The following ZSWIM6 variants were observed in gnomAD, a reference collection of about 807,000 sequenced individuals.
ZSWIM6 encodes zinc finger SWIM-type containing 6.
ZSWIM6 carries 9 observed loss-of-function variants against 113.2 expected under a neutral mutation model. The observed-to-expected ratio is 0.08, with a 90% CI of 0.05 to 0.14. ZSWIM6 has a LOEUF of 0.14. Among genes scored for constraint, ZSWIM6 ranks in the 10% least tolerant of loss-of-function variants. The pLI is 1.00. For synonymous variants in ZSWIM6, 611 were observed against 606.5 expected (o/e 1.01, Z -0.11); for missense variants, 1,162 against 1,552.2 (o/e 0.75, Z 4.22).
At chr5:61,504,168 C>T (rs773380833) in intron 4 of ZSWIM6, among the ~76,000 whole-genome samples, 3 of 152,128 alleles carry the variant, frequency 2.0e-5, no homozygotes. Flanking sequence ...TTTACTGAGT[C>T]CTCCATTTTC....
In ZSWIM6 at chr5:61,494,417, A is replaced by C; in HGVS notation, c.1333+7A>C. ...CAGCTCTGGGATGAGCTGGGTAAGC[A>C]TGTTTCCTCACAAATTACCATTGAT... On this transcript the variant is annotated splice_region_variant and intron_variant, in intron 4 of 13. Coordinates refer to ENST00000252744, the MANE Select transcript of ZSWIM6 (RefSeq NM_020928.2). The C allele has an allele frequency of 6.4e-7, 1 of 1,550,720 alleles. No individual in the cohort carries two copies. Among genetic ancestry groups the C allele is most frequent in the Non-Finnish European group, 8.7e-7 (1 of 1,146,392 alleles).
intron 2 of ZSWIM6, among the ~76,000 whole-genome samples, chr5:61,485,834 G>A (rs553082693): frequency 6.6e-6 from 1 of 152,118 alleles, no homozygotes; most frequent in East Asian, 1.9e-4. Context: ...TTTAAAAGAT[G>A]TTTCCTTCCC....
At chr5:61,357,264 T>C (rs1744934395) in intron 1 of ZSWIM6, among the ~76,000 whole-genome samples, 1 of 152,176 alleles carries the variant, frequency 6.6e-6, no homozygotes, top group East Asian at 1.9e-4. Flanking sequence ...ATTCAGGTTA[T>C]GCAGCTGAAA....
intron 1 of ZSWIM6, among the ~76,000 whole-genome samples, chr5:61,383,249 A>G (rs948723909): frequency 6.6e-6 from 1 of 152,208 alleles, no homozygotes; most frequent in African/African-American, 2.4e-5. Flanking sequence ...GCATAGTGCT[A>G]AAATAACTAG....
At chr5:61,361,510 A>T (rs1745031699) in intron 1 of ZSWIM6, among the ~76,000 whole-genome samples, 1 of 152,242 alleles carries the variant, frequency 6.6e-6, no homozygotes, top group Non-Finnish European at 1.5e-5. Context: ...TTGAAAAAGA[A>T]AGTTAGCATC....
At chr5:61,468,649 C>G (rs1034280860) in intron 1 of ZSWIM6, among the ~76,000 whole-genome samples, 5 of 152,090 alleles carry the variant, frequency 3.3e-5, no homozygotes, top group African/African-American at 1.2e-4. Context: ...TGTCTTGAAA[C>G]AAAACCTAAG....
Position 61,394,970 on chromosome 5 carries a change from T to C in ZSWIM6, c.676+62022T>C, listed in dbSNP as rs377761896. 8.5e-5 allele frequency among the ~76,000 whole-genome samples: 13 copies of C among 152,284 alleles called. No individual in the cohort carries two copies. The East Asian group carries it at 1.5e-3, about 18-fold the overall frequency. The stretch of plus-strand genomic sequence containing the variant: ...ACTTGATCCTCTGGGGACAGAAGAC[T>C]ACCATCATGAGGCTTTAATTAGCTC... On this transcript the variant is annotated intron_variant, in intron 1 of 13. Transcript: ENST00000252744.
chr5:61,350,861 A>G (rs1384596901), intron 1 of ZSWIM6, among the ~76,000 whole-genome samples: 3 of 152,200 alleles, frequency 2.0e-5, no homozygotes, highest in African/African-American at 7.2e-5. Context: ...TAAGAGGCTC[A>G]CATGGGAATA....
intron 1 of ZSWIM6, among the ~76,000 whole-genome samples, chr5:61,344,041 G>T (rs570958892): frequency 6.6e-6 from 1 of 152,036 alleles, no homozygotes; most frequent in South Asian, 2.1e-4. Flanking sequence ...TTACAGGCAC[G>T]TGCCACCACG....
At chr5:61,425,594 T>C (rs1746448732) in intron 1 of ZSWIM6, among the ~76,000 whole-genome samples, 1 of 152,130 alleles carries the variant, frequency 6.6e-6, no homozygotes, top group South Asian at 2.1e-4. Context: ...ACACAGTTAT[T>C]TGGGAATTGT....
intron 1 of ZSWIM6, among the ~76,000 whole-genome samples, chr5:61,368,293 A>G (rs1485890783): frequency 6.6e-6 from 1 of 152,214 alleles, no homozygotes; most frequent in African/African-American, 2.4e-5. Context: ...ATAAACCAAT[A>G]ATTCTCCACA....
chr5:61,410,287 A>G (rs1746126510), intron 1 of ZSWIM6, among the ~76,000 whole-genome samples: 1 of 147,778 alleles, frequency 6.8e-6, no homozygotes, highest in South Asian at 2.2e-4. Context: ...TGTGAATAGT[A>G]TTGTAATAAT....
chr5:61,337,263 A>G (rs1744419672), intron 1 of ZSWIM6, among the ~76,000 whole-genome samples: 1 of 150,930 alleles, frequency 6.6e-6, no homozygotes, highest in South Asian at 2.1e-4. Context: ...TGGGTGACAG[A>G]GCGAGATTCC....
At chr5:61,496,479 C>T (rs1053603668) in intron 4 of ZSWIM6, among the ~76,000 whole-genome samples, 1 of 152,144 alleles carries the variant, frequency 6.6e-6, no homozygotes, top group African/African-American at 2.4e-5. Flanking sequence ...GGGAATTTGA[C>T]TTTGTGCCCC....
chr5:61,409,077 T>G (rs1270639623), intron 1 of ZSWIM6, among the ~76,000 whole-genome samples: 3 of 117,226 alleles, frequency 2.6e-5, no homozygotes, highest in African/African-American at 8.0e-5. Context: ...AAAGGTTTTT[T>G]TTTTTTTTTT....
At chr5:61,457,364 A>C (rs1400373614) in intron 1 of ZSWIM6, among the ~76,000 whole-genome samples, 1 of 152,022 alleles carries the variant, frequency 6.6e-6, no homozygotes, top group East Asian at 1.9e-4. Flanking sequence ...CTAGCCATAT[A>C]TTTCAGTTCT....
chr5:61,357,546 A>C (rs1412822491), intron 1 of ZSWIM6, among the ~76,000 whole-genome samples: 1 of 151,404 alleles, frequency 6.6e-6, no homozygotes, highest in Non-Finnish European at 1.5e-5. Context: ...TGCCTCTTGT[A>C]GACTGAACCC....
At chr5:61,506,729 A>AT (rs1273836973) in intron 4 of ZSWIM6, among the ~76,000 whole-genome samples, 1 of 152,332 alleles carries the variant, frequency 6.6e-6, no homozygotes, top group East Asian at 1.9e-4. Context: ...ACAACTAATT[A>AT]TGCCAGTGAT....
In ZSWIM6 at chr5:61,417,348, C is replaced by T. The variant is rs559858009; in HGVS notation, c.677-55333C>T. ...GATTATTAAATGAAAATCACTCAAG[C>T]GTGCCAACTAAAATTATTCAAGTTC... On this transcript the variant is annotated intron_variant, in intron 1 of 13. Transcript: ENST00000252744. 5.3e-5 allele frequency among the ~76,000 whole-genome samples: 8 copies of T among 152,218 alleles called. No homozygotes were observed. In the South Asian group the frequency reaches 1.0e-3, roughly 20 times the overall value.
Sources: allele counts gnomAD v4.1 joint callset (sites outside exome capture counted in the v4.1 genomes callset), GRCh38; gene constraint gnomAD v4.1.1; transcripts MANE v1.5; gene names NCBI Gene and HGNC (gene_info 2026-07-23, HGNC 2026-07-21).